ADCY2: variants seen among roughly 807,000 people sequenced by gnomAD.
The protein encoded by ADCY2 is adenylate cyclase 2.
Under a neutral mutation model 125.2 loss-of-function variants are expected in ADCY2, and 31 were observed. That is an observed-to-expected ratio of 0.25 (90% confidence interval 0.19 to 0.33). ADCY2 has a LOEUF of 0.33. Among genes scored for constraint, ADCY2 ranks in the 10% least tolerant of loss-of-function variants. The probability of loss-of-function intolerance (pLI) is 1.00; values close to 1 mark genes in which losing one functional copy is unlikely to be tolerated. For synonymous variants in ADCY2, 512 were observed against 548.4 expected (o/e 0.93, Z 0.93); for missense variants, 904 against 1,418.2 (o/e 0.64, Z 5.82).
In ADCY2 at chr5:7,496,295, G is replaced by T. The variant is rs1289722528; in HGVS notation, c.409-24443G>T. Among the ~76,000 whole-genome samples the T allele has an allele frequency of 2.6e-5, 4 of 152,136 alleles. No individual in the cohort carries two copies. The South Asian group carries it at 8.3e-4, about 32-fold the overall frequency. ...AAGCAACAACATTTTAATAAAAATC[G>T]CTAACTCCAAATTCTTAGGAATGTA... On this transcript the variant is annotated intron_variant, in intron 2 of 24. Coordinates refer to ENST00000338316, the MANE Select transcript of ADCY2 (RefSeq NM_020546.3).
chr5:7,707,866 T>A (rs1741310719), intron 9 of ADCY2, 28 bp downstream of exon 9: 1 of 1,604,498 alleles, frequency 6.2e-7, no homozygotes. Context: ...GAGTCTATGA[T>A]GAAAAGGGAG....
At chr5:7,637,972 A>G (rs1291654027) in intron 4 of ADCY2, among the ~76,000 whole-genome samples, 1 of 152,030 alleles carries the variant, frequency 6.6e-6, no homozygotes, top group Non-Finnish European at 1.5e-5. Context: ...ATCAGCAGCC[A>G]GTAGAATTAT....
At chr5:7,565,474 A>G (rs1443907624) in intron 3 of ADCY2, among the ~76,000 whole-genome samples, 1 of 152,214 alleles carries the variant, frequency 6.6e-6, no homozygotes, top group African/African-American at 2.4e-5. Context: ...GAAGAAATGA[A>G]GCCTCGGTAA....
chr5:7,741,264 G>C (rs1742397966), intron 14 of ADCY2, among the ~76,000 whole-genome samples: 1 of 151,920 alleles, frequency 6.6e-6, no homozygotes, highest in South Asian at 2.1e-4. Flanking sequence ...AATACAACTG[G>C]GTAGACATAA....
intron 3 of ADCY2, among the ~76,000 whole-genome samples, chr5:7,541,372 C>G (rs1734987431): frequency 6.6e-6 from 1 of 152,190 alleles, no homozygotes; most frequent in Admixed American, 6.6e-5. Flanking sequence ...ACATCCTTTC[C>G]CATTTATTAA....
chr5:7,819,077 G>A lies in ADCY2; in HGVS notation c.2999-1488G>A, dbSNP rs558091866. On this transcript the variant is annotated intron_variant, in intron 23 of 24. Coordinates refer to ENST00000338316, the MANE Select transcript of ADCY2 (RefSeq NM_020546.3). Reference sequence around the variant, plus strand: ...AGGGCAGGAAGCATCCAGCACAGGAGGAAGATGTAGGCTGGGAGGTGAAGC... The same window carrying A: ...AGGGCAGGAAGCATCCAGCACAGGAAGAAGATGTAGGCTGGGAGGTGAAGC... Among the ~76,000 whole-genome samples, 6 of 152,274 alleles carry A rather than the reference G, an allele frequency of 3.9e-5. No homozygotes were observed. The South Asian group carries it at 1.2e-3, about 32-fold the overall frequency.
At chr5:7,451,295 A>G (rs1445555951) in intron 2 of ADCY2, among the ~76,000 whole-genome samples, 1 of 152,260 alleles carries the variant, frequency 6.6e-6, no homozygotes, top group Admixed American at 6.5e-5. Context: ...CAGAATGTCA[A>G]CATTAACAGG....
chr5:7,468,759 A>G (rs1742222456), intron 2 of ADCY2, among the ~76,000 whole-genome samples: 1 of 152,296 alleles, frequency 6.6e-6, no homozygotes, highest in Admixed American at 6.5e-5. Flanking sequence ...TATTGCAAAA[A>G]TTCTATTACT....
chr5:7,538,627 A>G (rs1191193689), intron 3 of ADCY2, among the ~76,000 whole-genome samples: 3 of 152,104 alleles, frequency 2.0e-5, no homozygotes, highest in African/African-American at 7.2e-5. Flanking sequence ...ATGTTAATAC[A>G]TTTAAACATC....
chr5:7,520,954 G>A, intron 3 of ADCY2, 55 bp downstream of exon 3: 6 of 1,602,972 alleles, frequency 3.7e-6, no homozygotes, highest in Non-Finnish European at 4.3e-6. Flanking sequence ...ACCAGGGGGT[G>A]AGGCAGGTGC....
chr5:7,434,517 A>T (rs1294073806), intron 2 of ADCY2, among the ~76,000 whole-genome samples: 3 of 152,234 alleles, frequency 2.0e-5, no homozygotes, highest in African/African-American at 7.2e-5. Flanking sequence ...TGGATATGAC[A>T]TGGATACTTC....
rs1368526934 is a variant in ADCY2, at chr5:7,828,137, T to C, written c.*1266T>C. 6.5e-6 allele frequency: 1 copy of C among 152,794 alleles called. No individual in the cohort carries two copies. The highest frequency in any genetic ancestry group is 1.5e-5 in the Non-Finnish European group (1 of 68,042). The allele number at this position is 152,794 out of a possible 1,614,324, so 9.5% of individuals were successfully genotyped here. On this transcript the variant is annotated 3_prime_UTR_variant, in exon 25 of 25. Coordinates refer to ENST00000338316, the MANE Select transcript of ADCY2 (RefSeq NM_020546.3). The stretch of plus-strand genomic sequence containing the variant: ...CATAAAGAAATCATACTTTGCCAAA[T>C]AGTGAAAAGTAGAGCAATCGTGTAT...
chr5:7,770,687 G>A (rs189077556), intron 17 of ADCY2, among the ~76,000 whole-genome samples: 1 of 152,296 alleles, frequency 6.6e-6, no homozygotes, highest in African/African-American at 2.4e-5. Context: ...CGAGGGGACA[G>A]GATCACTGAA....
At chr5:7,431,164 C>G (rs146224102) in intron 2 of ADCY2, among the ~76,000 whole-genome samples, 7 of 152,242 alleles carry the variant, frequency 4.6e-5, no homozygotes, top group African/African-American at 1.7e-4. Flanking sequence ...CTACAGTAAT[C>G]AAGATAGCGT....
intron 2 of ADCY2, among the ~76,000 whole-genome samples, chr5:7,475,301 C>A (rs1385137404): frequency 6.6e-6 from 1 of 152,102 alleles, no homozygotes; most frequent in African/African-American, 2.4e-5. Context: ...GTCACTGTAT[C>A]CGTGGTCTGG....
At chr5:7,422,199 G>GT (rs1241242963) in intron 2 of ADCY2, among the ~76,000 whole-genome samples, 3 of 151,772 alleles carry the variant, frequency 2.0e-5, no homozygotes, top group South Asian at 2.1e-4. Context: ...TGATGATTTT[G>GT]TTTTTCTTTC....
At chr5:7,693,285 T>TA (rs1740767735) in intron 5 of ADCY2, among the ~76,000 whole-genome samples, 1 of 152,162 alleles carries the variant, frequency 6.6e-6, no homozygotes, top group Admixed American at 6.5e-5. Flanking sequence ...GTGATCTTTC[T>TA]AAAGTGGCAA....
intron 3 of ADCY2, among the ~76,000 whole-genome samples, chr5:7,579,283 G>T (rs1414794659): frequency 6.6e-6 from 1 of 152,052 alleles, no homozygotes; most frequent in Non-Finnish European, 1.5e-5. Context: ...TTGGCCTTAG[G>T]GGAAACCCCA....
intron 2 of ADCY2, among the ~76,000 whole-genome samples, chr5:7,519,225 G>A (rs1744357899): frequency 6.6e-6 from 1 of 152,184 alleles, no homozygotes; most frequent in South Asian, 2.1e-4. Flanking sequence ...CAGATTCCCA[G>A]GAGAGAAGAA....
Sources: gnomAD v4.1 joint callset for allele counts (sites outside exome capture counted in the v4.1 genomes callset) on GRCh38, gnomAD v4.1.1 for gene constraint, MANE v1.5 for transcripts, NCBI Gene and HGNC (gene_info 2026-07-23, HGNC 2026-07-21) for gene names.